Variants in IQGAP2 observed in about 807,000 individuals in gnomAD.
IQGAP2 encodes the protein IQ motif containing GTPase activating protein 2.
A neutral mutation model predicts 201.3 loss-of-function variants in IQGAP2; 173 were observed. The observed-to-expected ratio is 0.86, with a 90% CI of 0.76 to 0.98. IQGAP2 has a LOEUF of 0.98. Ranked by LOEUF, IQGAP2 falls within the 50% of genes least tolerant of loss-of-function variation. The pLI is 0.00. For synonymous variants in IQGAP2, 675 were observed against 673.9 expected (o/e 1.00, Z -0.03); for missense variants, 1,687 against 1,864.8 (o/e 0.90, Z 1.76).
In IQGAP2 at chr5:76,631,927, T is replaced by A; in HGVS notation, c.1681T>A (p.Leu561Met). 6.2e-7 allele frequency: 1 copy of A among 1,612,780 alleles called. No individual in the cohort carries two copies. The highest frequency in any genetic ancestry group is 8.5e-7 in the Non-Finnish European group (1 of 1,179,170). ...GKKSSDILSV[L>M]KSSTSNANDI... is the part of the protein sequence containing the mutation. ...AAAATCAAGTGATATTTTGTCTGTATTGAAGTCTTCCACTTCTAATGCAAA... is the reference window on the plus strand; with the variant it reads ...AAAATCAAGTGATATTTTGTCTGTAATGAAGTCTTCCACTTCTAATGCAAA... Residue 561 changes from leucine (L) to methionine (M), a missense_variant, in exon 15 of 36, where the codon TTG becomes ATG. Transcript: ENST00000274364.
At chr5:76,425,853 G>A (rs1751964300) in intron 1 of IQGAP2, among the ~76,000 whole-genome samples, 1 of 152,182 alleles carries the variant, frequency 6.6e-6, no homozygotes, top group African/African-American at 2.4e-5. Context: ...TCATGGGTCA[G>A]TGCGTGCATA....
chr5:76,707,167 G>A, intron 35 of IQGAP2, 33 bp from the exon 36 acceptor site: 1 of 964,714 alleles, frequency 1.0e-6, no homozygotes, highest in Non-Finnish European at 1.7e-6. Flanking sequence ...AAATGTCAAA[G>A]TTGAGATTTA....
chr5:76,692,858 C>T (rs1746391879), intron 30 of IQGAP2, among the ~76,000 whole-genome samples: 2 of 152,206 alleles, frequency 1.3e-5, no homozygotes, highest in South Asian at 4.1e-4. Flanking sequence ...GGTCTTCAGA[C>T]TCTTTAATAG....
intron 3 of IQGAP2, among the ~76,000 whole-genome samples, chr5:76,566,216 G>A (rs371230212): frequency 1.3e-5 from 2 of 152,134 alleles, no homozygotes. Context: ...GGCAGACTAA[G>A]TGAATTTATA....
intron 1 of IQGAP2, among the ~76,000 whole-genome samples, chr5:76,428,604 A>AT (rs201558264): frequency 0.014 from 2,144 of 150,484 alleles, 65 homozygotes; most frequent in African/African-American, 0.048. Context: ...CTAATTTTGC[A>AT]TTTTTTTTAG....
At chr5:76,549,440 T>C (rs1467543634) in intron 2 of IQGAP2, among the ~76,000 whole-genome samples, 1 of 151,752 alleles carries the variant, frequency 6.6e-6, no homozygotes, top group Non-Finnish European at 1.5e-5. Flanking sequence ...GTCAAACTAA[T>C]AAGTATTATA....
chr5:76,470,715 C>T (rs1242367779), intron 2 of IQGAP2, among the ~76,000 whole-genome samples: 3 of 152,046 alleles, frequency 2.0e-5, no homozygotes, highest in Non-Finnish European at 4.4e-5. Context: ...CTGGCAACTC[C>T]CTTGATTTTT....
At chr5:76,532,854 C>A (rs2150209209) in intron 2 of IQGAP2, among the ~76,000 whole-genome samples, 1 of 152,350 alleles carries the variant, frequency 6.6e-6, no homozygotes, top group Middle Eastern at 3.4e-3. Flanking sequence ...CCTTCACTCC[C>A]ATGCCACCAG....
chr5:76,561,725 T>C (rs1229433667), intron 2 of IQGAP2, among the ~76,000 whole-genome samples: 1 of 152,228 alleles, frequency 6.6e-6, no homozygotes, highest in Non-Finnish European at 1.5e-5. Context: ...TTCTCTTTTC[T>C]ACAATACTGG....
At chr5:76,551,510 G>T (rs1449466727) in intron 2 of IQGAP2, among the ~76,000 whole-genome samples, 1 of 147,648 alleles carries the variant, frequency 6.8e-6, no homozygotes, top group African/African-American at 2.5e-5. Context: ...AGGCGGCTGG[G>T]AGGTGGAGGT....
chr5:76,543,322 C>T (rs897992394), intron 2 of IQGAP2, among the ~76,000 whole-genome samples: 1 of 152,314 alleles, frequency 6.6e-6, no homozygotes, highest in Middle Eastern at 3.4e-3. Context: ...TGGTTTTCAG[C>T]CCGTCTCTCT....
intron 22 of IQGAP2, 66 bp downstream of exon 22, chr5:76,665,241 AG>A: frequency 7.1e-7 from 1 of 1,403,518 alleles, no homozygotes; most frequent in Non-Finnish European, 9.9e-7. Context: ...TGTGGCTTAC[AG>A]GGAGTATTTT....
intron 2 of IQGAP2, among the ~76,000 whole-genome samples, chr5:76,468,867 C>G (rs1325316137): frequency 1.3e-5 from 2 of 152,206 alleles, no homozygotes; most frequent in African/African-American, 4.8e-5. Flanking sequence ...TTGCAGCTCA[C>G]TTTTTCAGGG....
intron 2 of IQGAP2, among the ~76,000 whole-genome samples, chr5:76,497,673 C>T (rs1397707059): frequency 6.6e-6 from 1 of 152,222 alleles, no homozygotes; most frequent in African/African-American, 2.4e-5. Flanking sequence ...CAGCTCTCCT[C>T]TGTATGGGAG....
chr5:76,489,010 C>T (rs1327827335), intron 2 of IQGAP2, among the ~76,000 whole-genome samples: 7 of 152,180 alleles, frequency 4.6e-5, no homozygotes, highest in Middle Eastern at 3.2e-3. Context: ...CAGGGTCACA[C>T]GACTGGAAAA....
At chr5:76,435,350 T>C (rs1052967444) in intron 1 of IQGAP2, among the ~76,000 whole-genome samples, 6 of 152,196 alleles carry the variant, frequency 3.9e-5, no homozygotes, top group African/African-American at 1.4e-4. Context: ...TTTAAGTCTT[T>C]GAGCCATCTT....
intron 1 of IQGAP2, among the ~76,000 whole-genome samples, chr5:76,406,656 A>G (rs1016075582): frequency 2.0e-5 from 3 of 152,232 alleles, no homozygotes; most frequent in African/African-American, 7.2e-5. Flanking sequence ...TGCTGCCATG[A>G]TCTGTCGTAA....
intron 1 of IQGAP2, among the ~76,000 whole-genome samples, chr5:76,408,797 T>A (rs1162840507): frequency 5.3e-5 from 8 of 152,050 alleles, no homozygotes; most frequent in Non-Finnish European, 1.0e-4. Flanking sequence ...TTTATTTATT[T>A]ATTTATTTAT....
intron 17 of IQGAP2, among the ~76,000 whole-genome samples, chr5:76,645,507 A>G (rs1246973661): frequency 2.0e-5 from 3 of 152,192 alleles, no homozygotes; most frequent in Non-Finnish European, 2.9e-5. Flanking sequence ...CCTCTCCAGC[A>G]TCTATTGTTT....
Sources: gnomAD v4.1 joint callset for allele counts (sites outside exome capture counted in the v4.1 genomes callset) on GRCh38, gnomAD v4.1.1 for gene constraint, MANE v1.5 for transcripts, NCBI Gene and HGNC (gene_info 2026-07-23, HGNC 2026-07-21) for gene names.